HAPLN1: variants seen among roughly 807,000 people sequenced by gnomAD.
HAPLN1 encodes Cartilage link protein.
Under a neutral mutation model 36.5 loss-of-function variants are expected in HAPLN1, and 13 were observed. That is an observed-to-expected ratio of 0.36 (90% CI 0.23 to 0.57). HAPLN1 has a LOEUF of 0.57. Among genes scored for constraint, HAPLN1 ranks in the 20% least tolerant of loss-of-function variants. The pLI is 0.83. For synonymous variants in HAPLN1, 202 were observed against 169.8 expected (o/e 1.19, Z -1.48); for missense variants, 407 against 439.7 (o/e 0.93, Z 0.66).
At chr5:83,674,432 A>G (rs2112600896) in intron 1 of HAPLN1, 1 of 152,306 alleles carries the variant, frequency 6.6e-6, no homozygotes, top group Non-Finnish European at 1.5e-5. Context: ...CCTGTCCTTT[A>G]TTGAAAGACC....
At chr5:83,678,403 A>G (rs1442400304) in intron 1 of HAPLN1, among the ~76,000 whole-genome samples, 1 of 152,222 alleles carries the variant, frequency 6.6e-6, no homozygotes, top group African/African-American at 2.4e-5. Flanking sequence ...CGAAAAATAT[A>G]TAATCAGAAA....
chr5:83,673,481 C>T lies in HAPLN1; in HGVS notation c.43G>A (p.Ala15Thr). The T allele has an allele frequency of 6.2e-7, 1 of 1,613,790 alleles. No homozygotes were observed. The highest frequency in any genetic ancestry group is 8.5e-7 in the Non-Finnish European group (1 of 1,179,820). The change falls in exon 2 of 5, where the codon GCT becomes ACT. Residue 15 changes from alanine (A) to threonine (T), a missense_variant. By Grantham distance (58) the Ala-to-Thr change is moderately conservative. Coordinates refer to ENST00000274341, the MANE Select transcript of HAPLN1 (RefSeq NM_001884.4). ...GTATAGTTGTCTGAAAGATGATCAG[C>T]CCAGCAGATTGAAATCAGCACCAGA... The part of the protein sequence containing the change: ...LLLVLISICW[A>T]DHLSDNYTLD...
intron 1 of HAPLN1, among the ~76,000 whole-genome samples, chr5:83,706,767 A>G (rs1195694468): frequency 1.3e-5 from 2 of 152,202 alleles, no homozygotes; most frequent in Non-Finnish European, 2.9e-5. Context: ...AGGGAATCCA[A>G]ATAGGAAGAG....
intron 1 of HAPLN1, chr5:83,685,813 G>C (rs775067997): frequency 6.6e-6 from 1 of 152,146 alleles, no homozygotes; most frequent in Non-Finnish European, 1.5e-5. Flanking sequence ...GAGTTGATTG[G>C]TGTGACCTTT....
At chr5:83,698,299 T>C (rs1751437864) in intron 1 of HAPLN1, among the ~76,000 whole-genome samples, 1 of 85,122 alleles carries the variant, frequency 1.2e-5, no homozygotes, top group African/African-American at 4.9e-5. Flanking sequence ...AGCTCCATTG[T>C]ATGTTATTTT....
chr5:83,685,238 C>T (rs555342979), intron 1 of HAPLN1, among the ~76,000 whole-genome samples: 1 of 152,294 alleles, frequency 6.6e-6, no homozygotes, highest in East Asian at 1.9e-4. Context: ...ATGCAAGCTC[C>T]AGGAGGGTAG....
At chr5:83,655,119 A>C (rs1213764657) in intron 2 of HAPLN1, among the ~76,000 whole-genome samples, 1 of 152,210 alleles carries the variant, frequency 6.6e-6, no homozygotes, top group Admixed American at 6.5e-5. Context: ...GTGGAGTAAA[A>C]AGTAAATACA....
chr5:83,704,902 G>A (rs1580162427), intron 1 of HAPLN1, among the ~76,000 whole-genome samples: 1 of 152,282 alleles, frequency 6.6e-6, no homozygotes, highest in East Asian at 1.9e-4. Context: ...TGGAGCAAAT[G>A]GATCTGATAG....
At chr5:83,668,400 C>T (rs1315613286) in intron 2 of HAPLN1, among the ~76,000 whole-genome samples, 1 of 152,144 alleles carries the variant, frequency 6.6e-6, no homozygotes, top group Admixed American at 6.5e-5. Flanking sequence ...CTTTTATCAG[C>T]CAGGTAGCCT....
Position 83,693,697 on chromosome 5 carries a change from A to G in HAPLN1, c.-26-20148T>C, listed in dbSNP as rs1580155565. 2.6e-5 allele frequency among the ~76,000 whole-genome samples: 4 copies of G among 152,026 alleles called. No homozygotes were observed. In the South Asian group the frequency reaches 8.3e-4, roughly 32 times the overall value. On this transcript the variant is annotated intron_variant, in intron 1 of 4. Coordinates refer to ENST00000274341, the MANE Select transcript of HAPLN1 (RefSeq NM_001884.4). ...GAGACACTATATTAAAATCAGACAAAATAGATTTCAGGATAAAAAATATCA... is the reference window on the plus strand; with the variant it reads ...GAGACACTATATTAAAATCAGACAAGATAGATTTCAGGATAAAAAATATCA...
intron 2 of HAPLN1, among the ~76,000 whole-genome samples, chr5:83,659,254 A>G (rs1370870866): frequency 6.6e-6 from 1 of 150,466 alleles, no homozygotes; most frequent in Non-Finnish European, 1.5e-5. Context: ...AGCCTGGGTG[A>G]CAGAGCGAGA....
intron 1 of HAPLN1, among the ~76,000 whole-genome samples, chr5:83,680,167 G>A (rs1214127884): frequency 1.3e-5 from 2 of 152,114 alleles, no homozygotes; most frequent in Non-Finnish European, 2.9e-5. Flanking sequence ...TGGCCCCTTA[G>A]AACCTGCTTT....
At chr5:83,686,125 G>C (rs537302068) in intron 1 of HAPLN1, 2 of 69,550 alleles carry the variant, frequency 2.9e-5, no homozygotes, top group East Asian at 8.4e-4. Flanking sequence ...ACAACAATTA[G>C]AGATATAAAA....
At chr5:83,712,421 A>G (rs1751811577) in intron 1 of HAPLN1, among the ~76,000 whole-genome samples, 1 of 152,150 alleles carries the variant, frequency 6.6e-6, no homozygotes, top group Non-Finnish European at 1.5e-5. Context: ...TAGCTAGAAT[A>G]AAAAACATGA....
rs763457966 is a variant in HAPLN1, at chr5:83,669,144, T to C, written c.100+4280A>G. Among the ~76,000 whole-genome samples, 176 of 152,210 alleles carry C rather than the reference T, an allele frequency of 1.2e-3. 3 individuals are homozygous for C. The highest frequency in any genetic ancestry group is 2.9e-4 in the Non-Finnish European group (20 of 68,012). Reference sequence around the variant, plus strand: ...ACATAGTAAATACATTAAGGGAAAATATTACTTATGTTTGGAGAACTTTAG... The same window carrying C: ...ACATAGTAAATACATTAAGGGAAAACATTACTTATGTTTGGAGAACTTTAG... On this transcript the variant is annotated intron_variant, in intron 2 of 4. Coordinates refer to ENST00000274341, the MANE Select transcript of HAPLN1 (RefSeq NM_001884.4).
chr5:83,661,767 G>A (rs904539218), intron 2 of HAPLN1, among the ~76,000 whole-genome samples: 1 of 151,854 alleles, frequency 6.6e-6, no homozygotes, highest in African/African-American at 2.4e-5. Flanking sequence ...TAAAGCCCAA[G>A]ACCAAACTTT....
At chr5:83,717,340 G>T (rs760186315) in intron 1 of HAPLN1, among the ~76,000 whole-genome samples, 5 of 152,090 alleles carry the variant, frequency 3.3e-5, no homozygotes, top group African/African-American at 9.7e-5. Flanking sequence ...TAATGAGCGG[G>T]TCTCCTTCTT....
intron 1 of HAPLN1, among the ~76,000 whole-genome samples, chr5:83,707,020 G>C (rs953057513): frequency 6.6e-6 from 1 of 152,106 alleles, no homozygotes; most frequent in African/African-American, 2.4e-5. Flanking sequence ...CGGCTAACCA[G>C]GGAGGTGAAA....
At chr5:83,645,625 A>T (rs1749851269) in intron 3 of HAPLN1, among the ~76,000 whole-genome samples, 2 of 151,716 alleles carry the variant, frequency 1.3e-5, no homozygotes, top group South Asian at 4.2e-4. Flanking sequence ...TTAACAAGAA[A>T]ATAATTAAAC....
Sources: gnomAD v4.1 joint callset for allele counts (sites outside exome capture counted in the v4.1 genomes callset) on GRCh38, gnomAD v4.1.1 for gene constraint, MANE v1.5 for transcripts, NCBI Gene and HGNC (gene_info 2026-07-23, HGNC 2026-07-21) for gene names.